AGAP1: variants seen among roughly 807,000 people sequenced by gnomAD.
The protein encoded by AGAP1 is arf-GAP with GTPase, ANK repeat and PH domain-containing protein 1.
A neutral mutation model predicts 105.3 loss-of-function variants in AGAP1; 29 were observed. That is an observed-to-expected ratio of 0.28 (90% CI 0.21 to 0.38). The LOEUF (loss-of-function observed/expected upper bound fraction) is 0.38, where lower values mean the gene tolerates loss of function less well. AGAP1 is among the 10% of genes least tolerant of loss of function. The pLI is 1.00. For missense variants in AGAP1, 998 were observed against 1,165.1 expected (o/e 0.86, Z 2.09); for synonymous variants, 509 against 485.9 (o/e 1.05, Z -0.63).
chr2:235,755,641 A>G (rs1421563211), intron 6 of AGAP1, among the ~76,000 whole-genome samples: 2 of 152,196 alleles, frequency 1.3e-5, no homozygotes, highest in African/African-American at 4.8e-5. Context: ...GGTTTTTGCC[A>G]TGTTGGCTAG....
rs965781396 is a variant in AGAP1 at position 235,960,057 on chromosome 2, C to G, written c.1484-8405C>G. ...GCAGTGGGCAGAGACGCACCCTGCCCTGCCTGCAGCATGGCCTGGAAAGTC... is the reference window on the plus strand; with the variant it reads ...GCAGTGGGCAGAGACGCACCCTGCCGTGCCTGCAGCATGGCCTGGAAAGTC... On this transcript the variant is annotated intron_variant, in intron 12 of 17. Transcript: ENST00000304032. The surrounding 1 kb of genome is among the most constrained non-coding windows in gnomAD (Gnocchi z 4.9). Among the ~76,000 whole-genome samples the G allele has an allele frequency of 6.6e-6, 1 of 152,176 alleles. No individual in the cohort carries two copies. Among genetic ancestry groups the G allele is most frequent in the Admixed American group, 6.5e-5 (1 of 15,282 alleles).
At chr2:235,554,162 A>G (rs1943900211) in intron 1 of AGAP1, among the ~76,000 whole-genome samples, 1 of 152,262 alleles carries the variant, frequency 6.6e-6, no homozygotes, top group East Asian at 1.9e-4. Context: ...ATAAGACAGC[A>G]CATTAATTTG....
At chr2:236,048,486 T>C (rs531282868) in intron 15 of AGAP1, among the ~76,000 whole-genome samples, 67 of 152,364 alleles carry the variant, frequency 4.4e-4, no homozygotes, top group African/African-American at 1.6e-3. Context: ...TCAGTAGCTA[T>C]AGTTAAATAA....
Position 235,934,838 on chromosome 2 carries a change from A to G in AGAP1, c.1483+3915A>G, listed in dbSNP as rs577118907. Among the ~76,000 whole-genome samples the G allele has an allele frequency of 6.6e-6, 1 of 151,978 alleles. No individual in the cohort carries two copies. The highest frequency in any genetic ancestry group is 1.9e-4 in the East Asian group (1 of 5,156). On this transcript the variant is annotated intron_variant, in intron 12 of 17. Coordinates refer to ENST00000304032, the MANE Select transcript of AGAP1 (RefSeq NM_001037131.3). The surrounding 1 kb of genome is among the most constrained non-coding windows in gnomAD (Gnocchi z 4.9). Reference sequence around the variant, plus strand: ...CAAGTGTGCCTTCCCATTGTTGTGCACTCTTACTCTAAAACATAATAATCA... The same window carrying G: ...CAAGTGTGCCTTCCCATTGTTGTGCGCTCTTACTCTAAAACATAATAATCA...
At chr2:235,803,016 ATGGTGGTGATGG>A (rs1957627503) in intron 8 of AGAP1, among the ~76,000 whole-genome samples, 1 of 1,752 alleles carries the variant, frequency 5.7e-4, no homozygotes, top group Admixed American at 7.5e-3. Context: ...TGTGGTTGTG[ATGGTGGTGATGG>A]TTGTGATGGT....
At chr2:235,884,517 C>G (rs187280819) in intron 10 of AGAP1, among the ~76,000 whole-genome samples, 3 of 144,160 alleles carry the variant, frequency 2.1e-5, no homozygotes, top group East Asian at 4.3e-4. Context: ...GTGGCGCGAT[C>G]CTGGCTCACT....
At chr2:235,933,311 C>T (rs1056168813) in intron 12 of AGAP1, among the ~76,000 whole-genome samples, 2 of 151,998 alleles carry the variant, frequency 1.3e-5, no homozygotes, top group South Asian at 2.1e-4. Context: ...GGAATAGCCA[C>T]GAGCCGCAGT....
chr2:235,917,576 G>A (rs535755787), intron 11 of AGAP1, among the ~76,000 whole-genome samples: 169 of 152,190 alleles, frequency 1.1e-3, no homozygotes, highest in Middle Eastern at 3.4e-3. Context: ...GACAGGGACC[G>A]GGGTAATAAG....
At chr2:235,821,514 G>T (rs1404666291) in intron 9 of AGAP1, among the ~76,000 whole-genome samples, 1 of 150,858 alleles carries the variant, frequency 6.6e-6, no homozygotes, top group Non-Finnish European at 1.5e-5. Context: ...CTCCCGAGTA[G>T]CCGGGACTAC....
intron 12 of AGAP1, among the ~76,000 whole-genome samples, chr2:235,943,569 C>G (rs1035019772): frequency 6.6e-6 from 1 of 151,990 alleles, no homozygotes; most frequent in South Asian, 2.1e-4. Flanking sequence ...AGGCTGGTCC[C>G]GAACTCCTGA....
intron 9 of AGAP1, among the ~76,000 whole-genome samples, chr2:235,837,974 G>A (rs552300966): frequency 6.6e-6 from 1 of 152,290 alleles, no homozygotes; most frequent in African/African-American, 2.4e-5. Context: ...CCTGAGGTCA[G>A]GAGTATGAGA....
At position 235,936,490 on chromosome 2, in the gene AGAP1, G is replaced by A. The variant is rs954922125; in HGVS notation, c.1483+5567G>A. 2.6e-5 allele frequency among the ~76,000 whole-genome samples: 4 copies of A among 152,118 alleles called. No homozygotes were observed. Among genetic ancestry groups the A allele is most frequent in the South Asian group, 2.1e-4 (1 of 4,826 alleles). On this transcript the variant is annotated intron_variant, in intron 12 of 17. Coordinates refer to ENST00000304032, the MANE Select transcript of AGAP1 (RefSeq NM_001037131.3). The surrounding 1 kb of genome is among the most constrained non-coding windows in gnomAD (Gnocchi z 4.7). Reference sequence around the variant, plus strand: ...ACGTCGATTTTGATGATGGGGGTTCGAAACATGAGTTTCAGCTTCGGAAGC... The same window carrying A: ...ACGTCGATTTTGATGATGGGGGTTCAAAACATGAGTTTCAGCTTCGGAAGC...
rs1434904095 is a variant in AGAP1 at position 235,953,490 on chromosome 2, A to G, written c.1484-14972A>G. ...CCTAAGCCTTAAATAGGCAATTAGA[A>G]GTATACTGCATTTTTTTCCCTCCAG... On this transcript the variant is annotated intron_variant, in intron 12 of 17. Transcript: ENST00000304032. The surrounding 1 kb of genome is among the most constrained non-coding windows in gnomAD (Gnocchi z 5.2). Among the ~76,000 whole-genome samples the G allele has an allele frequency of 6.6e-6, 1 of 152,244 alleles. No homozygotes were observed. Among genetic ancestry groups the G allele is most frequent in the African/African-American group, 2.4e-5 (1 of 41,462 alleles).
chr2:235,765,349 C>T (rs1264538084), intron 6 of AGAP1, among the ~76,000 whole-genome samples: 2 of 151,978 alleles, frequency 1.3e-5, no homozygotes, highest in Admixed American at 6.6e-5. Flanking sequence ...TGCGAGCGCC[C>T]GTGGCAGCTG....
intron 13 of AGAP1, among the ~76,000 whole-genome samples, chr2:235,978,861 G>T (rs1398787771): frequency 2.0e-5 from 3 of 152,126 alleles, no homozygotes; most frequent in Non-Finnish European, 4.4e-5. Context: ...CTGTTGTGTT[G>T]TGGTATGGCT....
rs1318861403 is a variant in AGAP1, at chr2:235,559,929, T to C, written c.163+65080T>C. On this transcript the variant is annotated intron_variant, in intron 1 of 17. Coordinates refer to ENST00000304032, the MANE Select transcript of AGAP1 (RefSeq NM_001037131.3). The surrounding 1 kb of genome is among the most constrained non-coding windows in gnomAD (Gnocchi z 5.7). ...ATGATTTGCAAATATATTCTTTTTTTCTGTGGTTTGTCCATTAATGTTCTT... is the reference window on the plus strand; with the variant it reads ...ATGATTTGCAAATATATTCTTTTTTCCTGTGGTTTGTCCATTAATGTTCTT... Among the ~76,000 whole-genome samples the C allele has an allele frequency of 6.6e-6, 1 of 152,172 alleles. No homozygotes were observed. Among genetic ancestry groups the C allele is most frequent in the Non-Finnish European group, 1.5e-5 (1 of 68,030 alleles).
At chr2:235,903,284 T>C (rs2051150723) in intron 10 of AGAP1, among the ~76,000 whole-genome samples, 2 of 152,248 alleles carry the variant, frequency 1.3e-5, no homozygotes, top group South Asian at 4.1e-4. Flanking sequence ...TAATACTTTT[T>C]TGAAGTATAC....
Position 235,963,692 on chromosome 2 carries a change from A to G in AGAP1, c.1484-4770A>G, listed in dbSNP as rs1360252529. Among the ~76,000 whole-genome samples the G allele has an allele frequency of 2.0e-5, 3 of 152,282 alleles. No individual in the cohort carries two copies. Among genetic ancestry groups the G allele is most frequent in the African/African-American group, 7.2e-5 (3 of 41,560 alleles). On this transcript the variant is annotated intron_variant, in intron 12 of 17. Coordinates refer to ENST00000304032, the MANE Select transcript of AGAP1 (RefSeq NM_001037131.3). The surrounding 1 kb of genome is among the most constrained non-coding windows in gnomAD (Gnocchi z 5.1). Reference sequence around the variant, plus strand: ...GGTGCATGTTAAGGTGGGAAGCTCTATCTTGACTCCACCCTGTTCACCATC... The same window carrying G: ...GGTGCATGTTAAGGTGGGAAGCTCTGTCTTGACTCCACCCTGTTCACCATC...
At chr2:235,997,532 A>G (rs566522756) in intron 13 of AGAP1, among the ~76,000 whole-genome samples, 8 of 152,262 alleles carry the variant, frequency 5.3e-5, no homozygotes, top group African/African-American at 1.4e-4. Flanking sequence ...TGAGGCCTGG[A>G]GCCCTGTCTT....
Sources: gnomAD v4.1 joint callset for allele counts (sites outside exome capture counted in the v4.1 genomes callset) on GRCh38, gnomAD v4.1.1 for gene constraint, Gnocchi (gnomAD v3.1) non-coding constraint, MANE v1.5 for transcripts, NCBI Gene and HGNC (gene_info 2026-07-23, HGNC 2026-07-21) for gene names.